Variants in FAT3 observed in about 807,000 individuals in gnomAD.
The protein encoded by FAT3 is protocadherin Fat 3.
Under a neutral mutation model 310.2 loss-of-function variants are expected in FAT3, and 95 were observed. The ratio of observed to expected loss-of-function variants is 0.31; its 90% confidence interval spans 0.26 to 0.36. The LOEUF is 0.36. Ranked by LOEUF, FAT3 falls within the 10% of genes least tolerant of loss-of-function variation. The pLI is 1.00. For synonymous variants in FAT3, 2,314 were observed against 2,192.9 expected (o/e 1.06, Z -1.54); for missense variants, 5,408 against 5,715.6 (o/e 0.95, Z 1.74).
chr11:92,596,177 G>A (rs1301310468), intron 3 of FAT3, among the ~76,000 whole-genome samples: 5 of 152,156 alleles, frequency 3.3e-5, no homozygotes, highest in East Asian at 1.9e-4. Flanking sequence ...GAGCCTACTC[G>A]TGTTGGGTAG....
At chr11:92,511,081 A>G (rs1953273151) in intron 2 of FAT3, among the ~76,000 whole-genome samples, 1 of 152,240 alleles carries the variant, frequency 6.6e-6, no homozygotes, top group African/African-American at 2.4e-5. Flanking sequence ...ATTTAAGTGC[A>G]TGATAAAATC....
rs1432151711 is a variant in FAT3, at chr11:92,512,858, C to CT, written c.3293-11776_3293-11775insT. ...AGATTATCGGCCGGGCGCGGTGGCT[C>CT]ACGCCTGTAATCCCAGCACTTTGGG... On this transcript the variant is annotated intron_variant, in intron 2 of 27. Transcript: ENST00000525166. Among the ~76,000 whole-genome samples the CT allele has an allele frequency of 5.8e-3, 241 of 41,910 alleles. 4 individuals are homozygous for CT. Among genetic ancestry groups the CT allele is most frequent in the African/African-American group, 0.029 (223 of 7,698 alleles). 27.5% of individuals were successfully genotyped at this position (41,910 alleles called of 152,430 possible). A position where few individuals can be genotyped will look rare whatever the true frequency, so the allele number is the denominator to read the frequency against.
chr11:92,657,323 A>T (rs1942619168), intron 3 of FAT3, among the ~76,000 whole-genome samples: 1 of 152,208 alleles, frequency 6.6e-6, no homozygotes, highest in Non-Finnish European at 1.5e-5. Flanking sequence ...AAAGATAATC[A>T]TGAAAGGGTA....
intron 2 of FAT3, among the ~76,000 whole-genome samples, chr11:92,463,495 C>T (rs1951684046): frequency 6.6e-6 from 1 of 152,102 alleles, no homozygotes; most frequent in South Asian, 2.1e-4. Flanking sequence ...TAGAATCTAC[C>T]TCATACAGTT....
At chr11:92,751,679 G>A (rs1308041119) in intron 4 of FAT3, among the ~76,000 whole-genome samples, 1 of 152,096 alleles carries the variant, frequency 6.6e-6, no homozygotes, top group Admixed American at 6.5e-5. Flanking sequence ...TATCAAAGGA[G>A]GAAAAGGAGG....
chr11:92,645,243 T>C (rs1190285097), intron 3 of FAT3, among the ~76,000 whole-genome samples: 1 of 152,180 alleles, frequency 6.6e-6, no homozygotes, highest in Non-Finnish European at 1.5e-5. Context: ...GCTAATTAGA[T>C]CCCCAAAGCA....
intron 1 of FAT3, among the ~76,000 whole-genome samples, chr11:92,232,428 A>G (rs1864221335): frequency 6.6e-6 from 1 of 152,192 alleles, no homozygotes; most frequent in Non-Finnish European, 1.5e-5. Flanking sequence ...AATATAATTA[A>G]GAAATGTTGA....
At chr11:92,434,111 G>C (rs1296733657) in intron 2 of FAT3, among the ~76,000 whole-genome samples, 34 of 151,840 alleles carry the variant, frequency 2.2e-4, no homozygotes, top group Admixed American at 2.2e-3. Context: ...TCTCATAATG[G>C]ATTAACTATG....
chr11:92,882,613 T>G, intron 23 of FAT3, 125 bp from the exon 24 acceptor site: 2 of 460,060 alleles, frequency 4.3e-6, no homozygotes, highest in Non-Finnish European at 7.0e-6. Flanking sequence ...ATCTTTGTCC[T>G]GCTTCATCTG....
intron 1 of FAT3, among the ~76,000 whole-genome samples, chr11:92,322,338 C>T (rs925772685): frequency 1.3e-5 from 2 of 152,184 alleles, no homozygotes; most frequent in Admixed American, 1.3e-4. Flanking sequence ...TAAGGGTCAT[C>T]TGAGCCTTCA....
At chr11:92,425,337 G>A (rs1412363202) in intron 2 of FAT3, among the ~76,000 whole-genome samples, 1 of 151,908 alleles carries the variant, frequency 6.6e-6, no homozygotes, top group African/African-American at 2.4e-5. Context: ...AGATCTTCAC[G>A]GAAGGCTGAG....
At chr11:92,320,380 T>A (rs1461120224) in intron 1 of FAT3, among the ~76,000 whole-genome samples, 2 of 152,018 alleles carry the variant, frequency 1.3e-5, no homozygotes, top group East Asian at 3.9e-4. Flanking sequence ...TTGACATTTA[T>A]GGAACTAACA....
intron 3 of FAT3, among the ~76,000 whole-genome samples, chr11:92,533,690 G>A (rs1447559395): frequency 6.6e-6 from 1 of 152,120 alleles, no homozygotes; most frequent in African/African-American, 2.4e-5. Context: ...CAACGCAGGG[G>A]CAGCTCACAG....
At chr11:92,586,157 G>A (rs1016823287) in intron 3 of FAT3, among the ~76,000 whole-genome samples, 2 of 151,914 alleles carry the variant, frequency 1.3e-5, no homozygotes, top group African/African-American at 2.4e-5. Flanking sequence ...AGAATTAGAG[G>A]TACTGGTATA....
rs1354781247 is a variant in FAT3 at position 92,831,841 on chromosome 11, C to T, written c.9701C>T (p.Pro3234Leu). Residue 3234 changes from proline (P) to leucine (L), a missense_variant, in exon 14 of 28, where the codon CCT (proline) becomes CTT (leucine). By Grantham distance (98) the Pro-to-Leu change is moderately conservative (BLOSUM62 -3). Coordinates refer to ENST00000525166, the MANE Select transcript of FAT3 (RefSeq NM_001367949.2). ...ITVLDINDNP[P>L]VFERRDYLVT... ...GTTCTGGACATTAATGACAACCCCC[C>T]TGTGTTTGAGAGGAGGGACTACCTG... The T allele has an allele frequency of 1.2e-6, 2 of 1,613,738 alleles. No homozygotes were observed. Among genetic ancestry groups the T allele is most frequent in the Non-Finnish European group, 1.7e-6 (2 of 1,179,808 alleles).
Position 92,831,790 on chromosome 11 carries a change from C to A in FAT3, c.9650C>A (p.Ser3217Tyr). 1 of 1,613,536 alleles carries A rather than the reference C, an allele frequency of 6.2e-7. No individual in the cohort carries two copies. The highest frequency in any genetic ancestry group is 8.5e-7 in the Non-Finnish European group (1 of 1,179,752). Reference sequence around the variant, plus strand: ...GACCAGAGTCCTGGACAGTCCCTGTCCTCTCTCACTACTGTCACCATCACC... The same window carrying A: ...GACCAGAGTCCTGGACAGTCCCTGTACTCTCTCACTACTGTCACCATCACC... ...ATDQSPGQSLSSLTTVTITVL... is the reference protein window; with the variant it reads ...ATDQSPGQSLYSLTTVTITVL... Residue 3217 changes from serine to tyrosine, a missense_variant, in exon 14 of 28, where the codon TCC becomes TAC. Around this residue, in one of 5 missense-constraint regions of FAT3, gnomAD observed 4,588 missense variants for 4,809.8 expected, o/e 0.95. Transcript: ENST00000525166.
chr11:92,244,128 G>T, intron 1 of FAT3, among the ~76,000 whole-genome samples: 1 of 152,026 alleles, frequency 6.6e-6, no homozygotes, highest in Non-Finnish European at 1.5e-5. Context: ...CACAAAGACC[G>T]TGCAGCTGTT....
At chr11:92,457,206 T>G (rs1300640288) in intron 2 of FAT3, among the ~76,000 whole-genome samples, 1 of 152,206 alleles carries the variant, frequency 6.6e-6, no homozygotes, top group Non-Finnish European at 1.5e-5. Flanking sequence ...TTCTATGAAT[T>G]TCTGCCCTAC....
chr11:92,584,694 A>G (rs1024251212), intron 3 of FAT3, among the ~76,000 whole-genome samples: 2 of 152,046 alleles, frequency 1.3e-5, no homozygotes, highest in East Asian at 3.9e-4. Flanking sequence ...GGAGTGGGGA[A>G]TGCATATATT....
Sources: gnomAD v4.1 joint callset for allele counts (sites outside exome capture counted in the v4.1 genomes callset) on GRCh38, gnomAD v4.1.1 for gene constraint, gnomAD v4.1.1 regional missense constraint, MANE v1.5 for transcripts, NCBI Gene and HGNC (gene_info 2026-07-23, HGNC 2026-07-21) for gene names.